The following STON1 variants were observed in gnomAD, a reference collection of about 807,000 sequenced individuals.
STON1 encodes the protein stonin 1, also known as stonin-1.
STON1 carries 79 observed loss-of-function variants against 60.9 expected under a neutral mutation model. That is an observed-to-expected ratio of 1.30 (90% CI 1.08 to 1.56). STON1 has a LOEUF of 1.56. Among genes scored for constraint, STON1 ranks in the 40% most tolerant of loss-of-function variants. The pLI is 0.00. For missense variants in STON1, 1,166 were observed against 858.9 expected (o/e 1.36, Z -4.47); for synonymous variants, 363 against 306.9 (o/e 1.18, Z -1.91).
At chr2:48,559,011 G>A (rs537881777) in intron 1 of STON1, among the ~76,000 whole-genome samples, 1 of 151,272 alleles carries the variant, frequency 6.6e-6, no homozygotes, top group East Asian at 2.0e-4. Context: ...GAGCATTTCA[G>A]ATTTTGGATT....
chr2:48,575,467 A>G (rs915512540), intron 1 of STON1, among the ~76,000 whole-genome samples: 5 of 152,022 alleles, frequency 3.3e-5, no homozygotes, highest in African/African-American at 4.8e-5. Context: ...CAGCCTGACC[A>G]ACATGGAGAA....
chr2:48,536,422 C>T (rs909104772), intron 1 of STON1, among the ~76,000 whole-genome samples: 2 of 151,644 alleles, frequency 1.3e-5, no homozygotes, highest in Non-Finnish European at 2.9e-5. Context: ...GTGGTGGGTG[C>T]CTATAATCCC....
intron 1 of STON1, among the ~76,000 whole-genome samples, chr2:48,574,524 T>A (rs1558621413): frequency 6.6e-6 from 1 of 152,322 alleles, no homozygotes; most frequent in East Asian, 1.9e-4. Context: ...TATATCTCAG[T>A]AAAGCTGTTA....
intron 1 of STON1, among the ~76,000 whole-genome samples, chr2:48,564,487 T>TTCTTCTTCTTCC (rs1672795192): frequency 4.8e-5 from 1 of 21,002 alleles, no homozygotes; most frequent in Non-Finnish European, 9.7e-5. Flanking sequence ...TTCTTTCTTC[T>TTCTTCTTCTTCC]TCTTCTTCTT....
At chr2:48,539,906 A>G (rs969389057) in intron 1 of STON1, among the ~76,000 whole-genome samples, 1 of 152,056 alleles carries the variant, frequency 6.6e-6, no homozygotes, top group African/African-American at 2.4e-5. Context: ...CTCTAGACCT[A>G]TTTCACATAT....
In STON1 at chr2:48,580,769, G is replaced by A; in HGVS notation, c.136G>A (p.Gly46Ser). ...AAATGGACTGAAGCTGAACCTTCCT[G>A]GCCTCAGGGAATTTCCCAGTGGATC... ...RPNGLKLNLPGLREFPSGSSS... is the reference protein window; with the variant it reads ...RPNGLKLNLPSLREFPSGSSS... The change falls in exon 2 of 4, where the codon GGC becomes AGC. Residue 46 changes from glycine (G) to serine (S), a missense_variant. By Grantham distance (56) the Gly-to-Ser change is moderately conservative (BLOSUM62 0). Coordinates refer to ENST00000404752, the MANE Select transcript of STON1 (RefSeq NM_006873.4). 6.4e-7 allele frequency: 1 copy of A among 1,558,154 alleles called. No homozygotes were observed. Among genetic ancestry groups the A allele is most frequent in the Non-Finnish European group, 8.7e-7 (1 of 1,153,412 alleles).
rs150907503 is a variant in STON1 at position 48,588,599 on chromosome 2, C to T, written c.1931-3054C>T. Among the ~76,000 whole-genome samples the T allele has an allele frequency of 4.4e-3, 677 of 152,312 alleles. 4 individuals are homozygous for T. The highest frequency in any genetic ancestry group is 0.016 in the African/African-American group (647 of 41,552). ...CTTCTCAGCTCAGGCAACCCACCCG[C>T]CTTGGCCTTCCGAGTGCTGGGATTA... On this transcript the variant is annotated intron_variant, in intron 2 of 3. Coordinates refer to ENST00000404752, the MANE Select transcript of STON1 (RefSeq NM_006873.4).
chr2:48,549,810 C>CAAA (rs59908100), intron 1 of STON1, among the ~76,000 whole-genome samples: 80 of 78,044 alleles, frequency 1.0e-3, no homozygotes, highest in African/African-American at 3.6e-3. Context: ...GACTCCATCT[C>CAAA]AAAAAAAAAA....
intron 1 of STON1, 24 bp downstream of exon 1, chr2:48,530,240 A>G (rs1671145432): frequency 8.1e-6 from 3 of 368,924 alleles, no homozygotes; most frequent in South Asian, 6.1e-5. Context: ...CCCAGGGGAC[A>G]GAGACGGGAG....
rs1558606000 is a variant in STON1, at chr2:48,564,589, TCC to T, written c.-47-15997_-47-15996del. Among the ~76,000 whole-genome samples the T allele has an allele frequency of 3.2e-4, 21 of 64,866 alleles. 5 individuals carry two copies. Among genetic ancestry groups the T allele is most frequent in the Non-Finnish European group, 6.2e-4 (17 of 27,304 alleles). 42.6% of individuals were successfully genotyped at this position (64,866 alleles called of 152,430 possible). On this transcript the variant is annotated intron_variant, in intron 1 of 3. Transcript: ENST00000404752. The stretch of plus-strand genomic sequence containing the variant: ...CTTCTCCTTCTCCTTCTCCTCCTCC[TCC>T]TCCTCCTCCTCCTTCTCCTTCTCCT...
At chr2:48,573,076 A>T (rs1346139641) in intron 1 of STON1, among the ~76,000 whole-genome samples, 1 of 152,172 alleles carries the variant, frequency 6.6e-6, no homozygotes, top group African/African-American at 2.4e-5. Context: ...TCCAAGGTTG[A>T]ATGATTGCAT....
In STON1 at chr2:48,543,090, T is replaced by G. The variant is rs146945856; in HGVS notation, c.-48+12874T>G. 9.6e-4 allele frequency among the ~76,000 whole-genome samples: 146 copies of G among 151,788 alleles called. 2 individuals are homozygous for G. In the East Asian group the frequency reaches 0.027, roughly 28 times the overall value. ...CCTGGGTTTAAGCGATTCTCCTGCT[T>G]CAGCCTCCTGAGTAGCTGGGATTAC... On this transcript the variant is annotated intron_variant, in intron 1 of 3. Coordinates refer to ENST00000404752, the MANE Select transcript of STON1 (RefSeq NM_006873.4).
At chr2:48,536,428 A>G (rs1183396167) in intron 1 of STON1, among the ~76,000 whole-genome samples, 1 of 151,478 alleles carries the variant, frequency 6.6e-6, no homozygotes, top group African/African-American at 2.4e-5. Context: ...GGTGCCTATA[A>G]TCCCAGCTAC....
chr2:48,595,266 A>T lies in STON1; in HGVS notation c.2172A>T (p.Glu724Asp). Reference protein sequence around the residue: ...IEKKWIKIDGEDPDKIGDCIT... With the variant: ...IEKKWIKIDGDDPDKIGDCIT... The stretch of plus-strand genomic sequence containing the variant: ...AGAAGTGGATTAAAATCGATGGAGA[A>T]GACCCAGATAAAATTGGTGACTGCA... Residue 724 changes from glutamate (E) to aspartate (D), a missense_variant, in exon 4 of 4, where the codon GAA (glutamate) becomes GAT (aspartate). Coordinates refer to ENST00000404752, the MANE Select transcript of STON1 (RefSeq NM_006873.4). The T allele has an allele frequency of 6.2e-7, 1 of 1,613,972 alleles. No individual in the cohort carries two copies. The highest frequency in any genetic ancestry group is 1.3e-5 in the African/African-American group (1 of 75,052).
intron 1 of STON1, among the ~76,000 whole-genome samples, chr2:48,564,482 TCTTCTTCTTCTTCTTCTTC>T (rs1672789884): frequency 3.9e-5 from 1 of 25,762 alleles, no homozygotes; most frequent in African/African-American, 1.5e-4. Flanking sequence ...TCTTCTTCTT[TCTTCTTCTTCTTCTTCTTC>T]TTCTTCTTCT....
chr2:48,576,112 C>G (rs1011060901), intron 1 of STON1, among the ~76,000 whole-genome samples: 1 of 150,190 alleles, frequency 6.7e-6, no homozygotes, highest in East Asian at 2.0e-4. Flanking sequence ...GGCTGCACCA[C>G]TTTACATTGC....
rs1674827740 is a variant in STON1, at chr2:48,597,363, A to G, written c.*2061A>G. The G allele has an allele frequency of 6.6e-6, 1 of 152,244 alleles. No individual in the cohort carries two copies. Among genetic ancestry groups the G allele is most frequent in the Non-Finnish European group, 1.5e-5 (1 of 68,068 alleles). 9.4% of individuals were successfully genotyped at this position (152,244 alleles called of 1,614,324 possible). On this transcript the variant is annotated 3_prime_UTR_variant, in exon 4 of 4. Transcript: ENST00000404752. The stretch of plus-strand genomic sequence containing the variant: ...GCCGGCCGAAACTGATGCTGCCCAC[A>G]GTCCCAGTGAAGTTAGGTGGGTTAA...
At chr2:48,560,122 C>T (rs1391091156) in intron 1 of STON1, among the ~76,000 whole-genome samples, 1 of 152,186 alleles carries the variant, frequency 6.6e-6, no homozygotes, top group South Asian at 2.1e-4. Flanking sequence ...TGATTGGTTT[C>T]ACTTATCCCC....
intron 2 of STON1, among the ~76,000 whole-genome samples, chr2:48,588,006 A>G (rs1168611799): frequency 6.6e-6 from 1 of 152,212 alleles, no homozygotes; most frequent in African/African-American, 2.4e-5. Context: ...AGGGCAGGCT[A>G]TAAGCTAATT....
Sources: gnomAD v4.1 joint callset for allele counts (sites outside exome capture counted in the v4.1 genomes callset) on GRCh38, gnomAD v4.1.1 for gene constraint, MANE v1.5 for transcripts, NCBI Gene and HGNC (gene_info 2026-07-23, HGNC 2026-07-21) for gene names.